Variants in SLC1A6 observed in about 807,000 individuals in gnomAD.
SLC1A6 encodes excitatory amino acid transporter 4.
SLC1A6 carries 15 observed loss-of-function variants against 42.1 expected under a neutral mutation model. The ratio of observed to expected loss-of-function variants is 0.36; its 90% confidence interval spans 0.24 to 0.55. The LOEUF is 0.55. Ranked by LOEUF, SLC1A6 falls within the 20% of genes least tolerant of loss-of-function variation. The pLI is 0.88. For missense variants in SLC1A6, 542 were observed against 772.5 expected, an observed-to-expected ratio of 0.70 and a Z score of 3.54; for synonymous variants, 317 against 319.7, an observed-to-expected ratio of 0.99 and a Z score of 0.09.
chr19:14,972,855 C>T lies in SLC1A6; in HGVS notation c.56G>A (p.Arg19Gln), dbSNP rs767982984. Residue 19 changes from arginine to glutamine, a missense_variant, in exon 2 of 10, where the codon CGG becomes CAG. By Grantham distance (43) the Arg-to-Gln change is conservative. Transcript: ENST00000594383. The stretch of plus-strand genomic sequence containing the variant: ...CTGCAGCCGCTGCAGCCAGCCCACC[C>T]GGCCCAGCCGCTGGCCGCTCTCCCG... ...FLRESGQRLG[R>Q]VGWLQRLQES... 1.0e-5 allele frequency: 16 copies of T among 1,602,788 alleles called. 2 individuals are homozygous for T. The Middle Eastern group carries it at 8.4e-4, about 84-fold the overall frequency.
chr19:14,988,343 C>T (rs920647228), intron 1 of SLC1A6, among the ~76,000 whole-genome samples: 2 of 152,116 alleles, frequency 1.3e-5, no homozygotes, highest in Non-Finnish European at 2.9e-5. Context: ...AAGTGATCTC[C>T]CTAAAATGCA....
chr19:14,966,102 C>T (rs918311621), intron 4 of SLC1A6, among the ~76,000 whole-genome samples: 3 of 152,202 alleles, frequency 2.0e-5, no homozygotes, highest in Non-Finnish European at 2.9e-5. Flanking sequence ...ACTAGTGGGA[C>T]GGATGCACTA....
intron 1 of SLC1A6, among the ~76,000 whole-genome samples, chr19:15,009,096 C>T (rs552543572): frequency 8.6e-6 from 1 of 116,574 alleles, no homozygotes; most frequent in Non-Finnish European, 1.7e-5. Flanking sequence ...GATACAAATG[C>T]CCTATAAATA....
At chr19:14,954,927 C>G (rs145561460) in intron 7 of SLC1A6, among the ~76,000 whole-genome samples, 246 of 152,312 alleles carry the variant, frequency 1.6e-3, no homozygotes, top group African/African-American at 5.5e-3. Context: ...CAAAGGTCTG[C>G]TGACTTCAGG....
At chr19:14,994,581 A>G (rs1391575549) in intron 1 of SLC1A6, among the ~76,000 whole-genome samples, 1 of 152,102 alleles carries the variant, frequency 6.6e-6, no homozygotes, top group African/African-American at 2.4e-5. Flanking sequence ...CTTGCTCTGC[A>G]CCCCAGAAGG....
intron 6 of SLC1A6, among the ~76,000 whole-genome samples, chr19:14,958,571 A>G (rs2045483288): frequency 6.6e-6 from 1 of 152,088 alleles, no homozygotes; most frequent in Non-Finnish European, 1.5e-5. Context: ...CTGGGCTCAG[A>G]GTTAGCCCTG....
chr19:14,991,620 T>TAA (rs2045820332), intron 1 of SLC1A6, among the ~76,000 whole-genome samples: 1 of 57,276 alleles, frequency 1.7e-5, no homozygotes. Flanking sequence ...AGACTCTGTG[T>TAA]CAAAAAAAAA....
chr19:15,002,769 T>A (rs1203160495), intron 1 of SLC1A6, among the ~76,000 whole-genome samples: 1 of 152,026 alleles, frequency 6.6e-6, no homozygotes, highest in Non-Finnish European at 1.5e-5. Context: ...GGGGAGGGGA[T>A]TCAAGTCACA....
chr19:14,992,081 C>A (rs2045823296), intron 1 of SLC1A6, among the ~76,000 whole-genome samples: 1 of 152,206 alleles, frequency 6.6e-6, no homozygotes, highest in Admixed American at 6.5e-5. Context: ...CCGCCTCAGC[C>A]TCCCAAAGTG....
intron 1 of SLC1A6, among the ~76,000 whole-genome samples, chr19:14,978,679 A>C (rs867684195): frequency 6.6e-6 from 1 of 151,058 alleles, no homozygotes; most frequent in Non-Finnish European, 1.5e-5. Context: ...ACACAGACAC[A>C]CTCACACATA....
chr19:14,956,750 A>T (rs1253284870), intron 6 of SLC1A6, 41 bp from the exon 7 acceptor site: 1 of 1,412,304 alleles, frequency 7.1e-7, no homozygotes, highest in East Asian at 2.3e-5. Context: ...CTCCCTCCTG[A>T]CCTCCCTTGC....
intron 6 of SLC1A6, chr19:14,961,500 G>A (rs1264187173): frequency 1.3e-5 from 2 of 154,558 alleles, no homozygotes; most frequent in African/African-American, 4.8e-5. Context: ...GATAAGCAAG[G>A]GAGTGAACAA....
chr19:15,009,527 G>T (rs1461671905), intron 1 of SLC1A6, among the ~76,000 whole-genome samples: 2 of 152,124 alleles, frequency 1.3e-5, no homozygotes, highest in Non-Finnish European at 2.9e-5. Flanking sequence ...AAAAACTCAT[G>T]TTCTCACTTC....
Position 15,008,400 on chromosome 19 carries a change from G to GA in SLC1A6, c.6+2084dup, listed in dbSNP as rs371486050. 5.1e-3 allele frequency among the ~76,000 whole-genome samples: 762 copies of GA among 149,366 alleles called. 12 individuals are homozygous for GA. Among genetic ancestry groups the GA allele is most frequent in the African/African-American group, 0.017 (713 of 40,768 alleles). On this transcript the variant is annotated intron_variant, in intron 1 of 8. Transcript: ENST00000430939. ...ATATCTATTATTTTAAAAGTAAAAA[G>GA]AAAAAAAAACAGAGGTTGGCAAGGA... is the stretch of plus-strand genomic sequence containing the variant.
At chr19:14,968,573 G>T (rs45591838) in intron 3 of SLC1A6, 66 bp from the exon 4 acceptor site, 138 of 1,360,336 alleles carry the variant, frequency 1.0e-4, no homozygotes, top group Non-Finnish European at 1.3e-4. Context: ...CCTAGCATCC[G>T]TTCCACCCTC....
At chr19:15,003,884 G>C (rs1308682127) in intron 1 of SLC1A6, among the ~76,000 whole-genome samples, 2 of 152,158 alleles carry the variant, frequency 1.3e-5, no homozygotes, top group East Asian at 3.9e-4. Flanking sequence ...TGCCAGGTGT[G>C]GTGGTTCATG....
intron 1 of SLC1A6, among the ~76,000 whole-genome samples, chr19:14,996,467 C>T (rs976894886): frequency 6.6e-6 from 1 of 151,830 alleles, no homozygotes; most frequent in African/African-American, 2.4e-5. Context: ...TTGTTCTCCT[C>T]CTCCTCCTTC....
intron 1 of SLC1A6, among the ~76,000 whole-genome samples, chr19:15,001,080 G>C (rs1043452540): frequency 6.6e-6 from 1 of 152,202 alleles, no homozygotes; most frequent in African/African-American, 2.4e-5. Flanking sequence ...CACACACATG[G>C]AGTATGTTTT....
upstream of SLC1A6, among the ~76,000 whole-genome samples, chr19:14,983,012 G>A (rs752361073): frequency 2.0e-5 from 3 of 152,136 alleles, no homozygotes; most frequent in Admixed American, 6.5e-5. Flanking sequence ...AAAGGAAACG[G>A]AATTTTTATA....
Sources: allele counts gnomAD v4.1 joint callset (sites outside exome capture counted in the v4.1 genomes callset), GRCh38; gene constraint gnomAD v4.1.1; transcripts MANE v1.5; gene names NCBI Gene and HGNC (gene_info 2026-07-23, HGNC 2026-07-21).